FGF14: variants seen among roughly 807,000 people sequenced by gnomAD.
FGF14 encodes the protein fibroblast growth factor 14.
FGF14 carries 5 observed loss-of-function variants against 25.5 expected under a neutral mutation model. The ratio of observed to expected loss-of-function variants is 0.20; its 90% CI spans 0.10 to 0.41. The LOEUF (loss-of-function observed/expected upper bound fraction) is 0.41. FGF14 is among the 10% of genes least tolerant of loss of function. The pLI is 1.00. For synonymous variants in FGF14, 138 were observed against 118.3 expected (o/e 1.17, Z -1.08); for missense variants, 222 against 320.1 (o/e 0.69, Z 2.34).
At chr13:102,335,692 C>T (rs1325533437) in intron 1 of FGF14, among the ~76,000 whole-genome samples, 3 of 152,236 alleles carry the variant, frequency 2.0e-5, no homozygotes, top group Non-Finnish European at 2.9e-5. Context: ...CTCTTTAATG[C>T]GCTTCACGGA....
rs74978933 is a variant in FGF14 at position 102,104,027 on chromosome 13, C to T, written c.209-228731G>A. Reference sequence around the variant, plus strand: ...TGCAATGCCCCTTCCCTCACTTACGCACTCCCTAAAAAAGGATATCGAGCA... The same window carrying T: ...TGCAATGCCCCTTCCCTCACTTACGTACTCCCTAAAAAAGGATATCGAGCA... On this transcript the variant is annotated intron_variant, in intron 1 of 4. Coordinates refer to the FGF14 transcript ENST00000376131. Among the ~76,000 whole-genome samples the T allele has an allele frequency of 2.0e-5, 3 of 152,152 alleles. No individual in the cohort carries two copies. The South Asian group carries it at 6.2e-4, about 32-fold the overall frequency.
intron 1 of FGF14, among the ~76,000 whole-genome samples, chr13:101,882,008 C>T (rs985279558): frequency 1.3e-5 from 2 of 152,038 alleles, no homozygotes; most frequent in Non-Finnish European, 2.9e-5. Flanking sequence ...TTCTTAAATG[C>T]TATTGTCATC....
chr13:102,332,740 TTAA>T (rs1172648054), intron 1 of FGF14, among the ~76,000 whole-genome samples: 4 of 152,126 alleles, frequency 2.6e-5, no homozygotes, highest in African/African-American at 9.7e-5. Context: ...ATGTCAGTTA[TTAA>T]TAATAATTTT....
chr13:102,093,133 T>A (rs890931055), intron 1 of FGF14, among the ~76,000 whole-genome samples: 10 of 152,142 alleles, frequency 6.6e-5, no homozygotes, highest in African/African-American at 2.4e-4. Context: ...TAGAAAAATT[T>A]GTGGAGATTT....
intron 1 of FGF14, among the ~76,000 whole-genome samples, chr13:102,373,171 G>A (rs1481727930): frequency 1.3e-5 from 2 of 152,148 alleles, no homozygotes; most frequent in African/African-American, 4.8e-5. Context: ...ACAGGCTTGC[G>A]TGTTTGTGTG....
chr13:102,273,127 G>C (rs1227445438), intron 1 of FGF14, among the ~76,000 whole-genome samples: 1 of 152,142 alleles, frequency 6.6e-6, no homozygotes, highest in Non-Finnish European at 1.5e-5. Context: ...GAATATAAGG[G>C]ACATCACTAC....
At chr13:102,337,477 A>C (rs975602237) in intron 1 of FGF14, among the ~76,000 whole-genome samples, 4 of 152,182 alleles carry the variant, frequency 2.6e-5, no homozygotes, top group African/African-American at 9.7e-5. Flanking sequence ...TTGAGATGGA[A>C]TCTACTCCTG....
At chr13:102,291,154 T>C (rs1348417276) in intron 1 of FGF14, among the ~76,000 whole-genome samples, 2 of 152,218 alleles carry the variant, frequency 1.3e-5, no homozygotes, top group African/African-American at 2.4e-5. Context: ...GCATGACTGA[T>C]AGAAATTTTC....
At chr13:102,062,679 T>C (rs1351664348) in intron 1 of FGF14, among the ~76,000 whole-genome samples, 1 of 152,186 alleles carries the variant, frequency 6.6e-6, no homozygotes, top group Non-Finnish European at 1.5e-5. Context: ...ATTCAAGCAG[T>C]AGAATGCCTG....
At chr13:101,879,246 T>C (rs2045568703) in intron 1 of FGF14, among the ~76,000 whole-genome samples, 2 of 152,182 alleles carry the variant, frequency 1.3e-5, no homozygotes, top group South Asian at 2.1e-4. Context: ...GTGTGCCTGA[T>C]AATTTTACTA....
intron 1 of FGF14, among the ~76,000 whole-genome samples, chr13:102,009,975 A>G (rs1357532324): frequency 6.6e-6 from 1 of 152,200 alleles, no homozygotes; most frequent in African/African-American, 2.4e-5. Flanking sequence ...TTCATGATCT[A>G]AAAGTTCTTA....
chr13:102,024,660 G>A (rs183149431), intron 1 of FGF14, among the ~76,000 whole-genome samples: 16 of 151,810 alleles, frequency 1.1e-4, no homozygotes, highest in African/African-American at 3.9e-4. Flanking sequence ...TGTGATTTTT[G>A]TGTCTTTTCT....
intron 3 of FGF14, among the ~76,000 whole-genome samples, chr13:101,797,386 A>T (rs1218427771): frequency 4.6e-5 from 7 of 152,096 alleles, no homozygotes; most frequent in Admixed American, 4.6e-4. Flanking sequence ...GTCACATGTA[A>T]TTGTGCGTCC....
In FGF14 at chr13:102,190,064, T is replaced by C. The variant is rs1309726033; in HGVS notation, c.208+211407A>G. On this transcript the variant is annotated intron_variant, in intron 1 of 4. Coordinates refer to the FGF14 transcript ENST00000376131. ...GGACACACATCCAAAACATATCACA[T>C]GTTATGTGTCATTTTTAGATTCCTT... is the stretch of plus-strand genomic sequence containing the variant. Among the ~76,000 whole-genome samples the C allele has an allele frequency of 2.0e-5, 3 of 152,318 alleles. 1 individual carries two copies.
intron 3 of FGF14, among the ~76,000 whole-genome samples, chr13:101,752,610 C>T (rs1296155761): frequency 6.6e-6 from 1 of 152,176 alleles, no homozygotes; most frequent in Non-Finnish European, 1.5e-5. Flanking sequence ...ACTGCATTGG[C>T]TTACGCAGTG....
chr13:101,837,138 AT>A (rs1156963811), intron 3 of FGF14, among the ~76,000 whole-genome samples: 3 of 151,328 alleles, frequency 2.0e-5, no homozygotes, highest in Non-Finnish European at 3.0e-5. Context: ...TTTATTTTGA[AT>A]TTTTCAAGTG....
chr13:102,211,569 C>T (rs947700209), intron 1 of FGF14, among the ~76,000 whole-genome samples: 20 of 152,168 alleles, frequency 1.3e-4, no homozygotes, highest in African/African-American at 4.6e-4. Context: ...GACAATTTTT[C>T]CCTGCTTAGT....
At chr13:102,201,327 G>A (rs772111737) in intron 1 of FGF14, among the ~76,000 whole-genome samples, 6 of 151,946 alleles carry the variant, frequency 3.9e-5, no homozygotes, top group Non-Finnish European at 8.8e-5. Context: ...GAATAACAAA[G>A]GTGCCAAGGG....
At chr13:102,329,382 C>G (rs1030976449) in intron 1 of FGF14, among the ~76,000 whole-genome samples, 1 of 152,086 alleles carries the variant, frequency 6.6e-6, no homozygotes, top group African/African-American at 2.4e-5. Context: ...TGCCAGATCT[C>G]TCTCCATTCC....
Sources: allele counts gnomAD v4.1 joint callset (sites outside exome capture counted in the v4.1 genomes callset), GRCh38; gene constraint gnomAD v4.1.1; transcripts MANE v1.5; gene names NCBI Gene and HGNC (gene_info 2026-07-23, HGNC 2026-07-21).